The following SP3 variants were observed in gnomAD, a reference collection of about 807,000 sequenced individuals.
SP3 encodes the protein transcription factor Sp3.
In SP3, 10 loss-of-function variants were observed where a neutral mutation model predicts 70.3. The observed-to-expected ratio is 0.14, with a 90% confidence interval of 0.09 to 0.24. The LOEUF (loss-of-function observed/expected upper bound fraction) is 0.24, where lower values mean the gene tolerates loss of function less well. Among genes scored for constraint, SP3 ranks in the 10% least tolerant of loss-of-function variants. The pLI is 1.00. For missense variants in SP3, 825 were observed against 914.6 expected (o/e 0.90, Z 1.26); for synonymous variants, 402 against 333.5 (o/e 1.21, Z -2.24).
Position 173,964,489 on chromosome 2 carries a change from ACCG to A in SP3, c.69_71del (p.Gly29del), listed in dbSNP as rs750177307. On this transcript the variant is annotated inframe_deletion, in exon 2 of 7. Coordinates refer to ENST00000310015, the MANE Select transcript of SP3 (RefSeq NM_003111.5). ...ACTCGCCGTGGCCGCCGCCGCCGCC[ACCG>A]CCGCCGCCGCTATCCACGTCCAAGG... 31 of 465,706 alleles carry A rather than the reference ACCG, an allele frequency of 6.7e-5. No individual in the cohort carries two copies. Among genetic ancestry groups the A allele is most frequent in the Middle Eastern group, 8.7e-4 (2 of 2,288 alleles). The allele number at this position is 465,706 out of a possible 1,614,324, so 28.8% of individuals were successfully genotyped here. A position where few individuals can be genotyped will look rare whatever the true frequency, so the allele number is the denominator to read the frequency against.
intron 4 of SP3, among the ~76,000 whole-genome samples, chr2:173,927,149 T>C (rs1431381898): frequency 6.6e-6 from 1 of 152,148 alleles, no homozygotes; most frequent in African/African-American, 2.4e-5. Flanking sequence ...CCAAGGAGGA[T>C]GGTGGTAAGC....
Position 173,902,953 on chromosome 2 carries a change from T to A in SP3, c.*6988A>T, listed in dbSNP as rs1689216361. 6.6e-6 allele frequency among the ~76,000 whole-genome samples: 1 copy of A among 152,198 alleles called. No homozygotes were observed. Among genetic ancestry groups the A allele is most frequent in the South Asian group, 2.1e-4 (1 of 4,832 alleles). On this transcript the variant is annotated 3_prime_UTR_variant, in exon 7 of 7. Transcript: ENST00000310015. The stretch of plus-strand genomic sequence containing the variant: ...AAATATATAGGTAAAAATAAGACTA[T>A]AAAAGTTGGGTGATAGATACTTAGG...
chr2:173,953,358 A>G (rs1690774762), intron 4 of SP3, among the ~76,000 whole-genome samples: 1 of 152,210 alleles, frequency 6.6e-6, no homozygotes, highest in Non-Finnish European at 1.5e-5. Flanking sequence ...GGGATATCCA[A>G]TGGTCCACAG....
rs1236438345 is a variant in SP3 at position 173,933,640 on chromosome 2, A to ATT, written c.1640-14856_1640-14855insAA. 4.6e-5 allele frequency among the ~76,000 whole-genome samples: 5 copies of ATT among 109,702 alleles called. 1 individual carries two copies. Among genetic ancestry groups the ATT allele is most frequent in the Non-Finnish European group, 8.8e-5 (5 of 56,906 alleles). The allele number at this position is 109,702 out of a possible 152,430, so 72.0% of individuals were successfully genotyped here. On this transcript the variant is annotated intron_variant, in intron 4 of 6. Transcript: ENST00000310015. Reference sequence around the variant, plus strand: ...AAATGACTAACATTTATAAAACTTTATATATATATATATATATATATATAT... The same window carrying ATT: ...AAATGACTAACATTTATAAAACTTTATTTATATATATATATATATATATATAT...
chr2:173,929,717 C>T (rs1293509337), intron 4 of SP3, among the ~76,000 whole-genome samples: 1 of 152,142 alleles, frequency 6.6e-6, no homozygotes, highest in Non-Finnish European at 1.5e-5. Context: ...GAAGGTTTTT[C>T]CTGGTCTGTT....
At chr2:173,935,094 T>C (rs1690172860) in intron 4 of SP3, among the ~76,000 whole-genome samples, 1 of 152,156 alleles carries the variant, frequency 6.6e-6, no homozygotes, top group South Asian at 2.1e-4. Flanking sequence ...AAGTCGATGT[T>C]CTAGGCCAGG....
chr2:173,931,436 C>T (rs535802819), intron 4 of SP3, among the ~76,000 whole-genome samples: 14 of 152,224 alleles, frequency 9.2e-5, no homozygotes, highest in African/African-American at 2.4e-4. Flanking sequence ...CTCCACCTCC[C>T]GGGTTCAAGC....
chr2:173,943,587 T>C (rs1254814152), intron 4 of SP3, among the ~76,000 whole-genome samples: 1 of 152,204 alleles, frequency 6.6e-6, no homozygotes, highest in Non-Finnish European at 1.5e-5. Context: ...CACTTCGGTA[T>C]TCCAATGTGC....
chr2:173,942,895 A>T (rs1271645472), intron 4 of SP3, among the ~76,000 whole-genome samples: 1 of 152,248 alleles, frequency 6.6e-6, no homozygotes, highest in Non-Finnish European at 1.5e-5. Context: ...TATAAAATTT[A>T]AAATACAGTA....
intron 4 of SP3, among the ~76,000 whole-genome samples, chr2:173,950,772 T>C (rs1056554693): frequency 6.6e-6 from 1 of 152,228 alleles, no homozygotes; most frequent in African/African-American, 2.4e-5. Flanking sequence ...TCTGATTTTC[T>C]AGTGAGAAAA....
chr2:173,964,096 G>A (rs1198745646), intron 2 of SP3: 1 of 352,786 alleles, frequency 2.8e-6, no homozygotes, highest in African/African-American at 2.1e-5. Context: ...CGGCTCCCCG[G>A]TCCGCGGGCA....
chr2:173,928,398 A>T (rs556865412), intron 4 of SP3, among the ~76,000 whole-genome samples: 14 of 152,162 alleles, frequency 9.2e-5, no homozygotes, highest in Non-Finnish European at 1.5e-4. Flanking sequence ...GCTCTGCTCT[A>T]GCACTGGACT....
intron 5 of SP3, chr2:173,913,757 T>G (rs566335808): frequency 1.3e-5 from 2 of 152,192 alleles, no homozygotes; most frequent in African/African-American, 2.4e-5. Context: ...TTTAATATGA[T>G]TTAAGAATAT....
Position 173,964,783 on chromosome 2 carries a change from C to T in SP3, c.8-230G>A, listed in dbSNP as rs1691235236. 2.0e-5 allele frequency: 9 copies of T among 452,454 alleles called. No homozygotes were observed. In the South Asian group the frequency reaches 2.6e-4, roughly 13 times the overall value. The allele number at this position is 452,454 out of a possible 1,614,324, so 28.0% of individuals were successfully genotyped here. A position where few individuals can be genotyped will look rare whatever the true frequency, so the allele number is the denominator to read the frequency against. ...CTCCTCCTCCTCTTTCCCTCCTCCT[C>T]CTCCTCCCCGCGCTGCCCCTGCCCC... On this transcript the variant is annotated intron_variant, in intron 1 of 6. Transcript: ENST00000310015.
At chr2:173,950,130 C>A (rs73028271) in intron 4 of SP3, among the ~76,000 whole-genome samples, 2 of 151,850 alleles carry the variant, frequency 1.3e-5, no homozygotes, top group African/African-American at 4.8e-5. Context: ...TTCAGCTTGG[C>A]GCCTGATGTT....
Position 173,908,525 on chromosome 2 carries a change from C to T in SP3, c.*1416G>A, listed in dbSNP as rs1049146615. The T allele has an allele frequency of 6.6e-6, 1 of 152,066 alleles. No individual in the cohort carries two copies. The highest frequency in any genetic ancestry group is 2.4e-5 in the African/African-American group (1 of 41,342). The allele number at this position is 152,066 out of a possible 1,614,324, so 9.4% of individuals were successfully genotyped here. ...ATATTTTTTATGCATAGGAATACAA[C>T]AAACTCAAAAGAAAAAAAAATAGTG... is the stretch of plus-strand genomic sequence containing the variant. On this transcript the variant is annotated 3_prime_UTR_variant, in exon 7 of 7. Coordinates refer to ENST00000310015, the MANE Select transcript of SP3 (RefSeq NM_003111.5).
chr2:173,963,979 C>G (rs1053942570), intron 2 of SP3, 96 bp from the exon 3 acceptor site: 22 of 780,796 alleles, frequency 2.8e-5, no homozygotes, highest in Non-Finnish European at 4.1e-5. Context: ...ACTCGGTCCC[C>G]GCCGACTGCG....
At chr2:173,932,731 G>A (rs892267361) in intron 4 of SP3, among the ~76,000 whole-genome samples, 4 of 151,888 alleles carry the variant, frequency 2.6e-5, no homozygotes, top group Middle Eastern at 3.4e-3. Flanking sequence ...AGTGGCTCAC[G>A]CCTGTAATCC....
At chr2:173,916,129 A>G (rs1689613724) in intron 5 of SP3, 1 of 152,104 alleles carries the variant, frequency 6.6e-6, no homozygotes, top group Admixed American at 6.6e-5. Context: ...TCACACATAT[A>G]CTGCTTGAAT....
Sources: gnomAD v4.1 joint callset for allele counts (sites outside exome capture counted in the v4.1 genomes callset) on GRCh38, gnomAD v4.1.1 for gene constraint, MANE v1.5 for transcripts, NCBI Gene and HGNC (gene_info 2026-07-23, HGNC 2026-07-21) for gene names.